Variants in HSD17B4 observed in about 807,000 individuals in gnomAD.
HSD17B4 encodes hydroxysteroid 17-beta dehydrogenase 4, also known as peroxisomal multifunctional enzyme type 2.
In HSD17B4, 70 loss-of-function variants were observed where a neutral mutation model predicts 101.0. The observed-to-expected ratio is 0.69, with a 90% confidence interval of 0.57 to 0.85. The LOEUF is 0.85. Ranked by LOEUF, HSD17B4 falls within the 40% of genes least tolerant of loss-of-function variation. The pLI, the probability that HSD17B4 is intolerant of heterozygous loss-of-function variation, is 0.00. For missense variants in HSD17B4, 984 were observed against 892.4 expected, an observed-to-expected ratio of 1.10 and a Z score of -1.31; for synonymous variants, 347 against 297.1, an observed-to-expected ratio of 1.17 and a Z score of -1.73.
intron 23 of HSD17B4, among the ~76,000 whole-genome samples, chr5:119,540,179 A>G (rs1275166832): frequency 6.6e-6 from 1 of 152,112 alleles, no homozygotes; most frequent in Non-Finnish European, 1.5e-5. Context: ...TACTTTTTGC[A>G]TGGCACTCCT....
chr5:119,487,613 G>T (rs1749723618), intron 8 of HSD17B4, among the ~76,000 whole-genome samples: 1 of 151,938 alleles, frequency 6.6e-6, no homozygotes, highest in Admixed American at 6.6e-5. Context: ...AAACTGCAAG[G>T]CAGACGTATT....
At chr5:119,459,256 CCT>C (rs2126624036) in intron 2 of HSD17B4, among the ~76,000 whole-genome samples, 1 of 152,272 alleles carries the variant, frequency 6.6e-6, no homozygotes, top group South Asian at 2.1e-4. Context: ...AATTATATGA[CCT>C]CTCTGTTTAT....
intron 2 of HSD17B4, among the ~76,000 whole-genome samples, chr5:119,457,359 T>A (rs926330407): frequency 2.6e-5 from 4 of 152,216 alleles, no homozygotes; most frequent in African/African-American, 4.8e-5. Context: ...GAGACACATA[T>A]AACAAAAGAG....
chr5:119,468,960 A>G (rs751521389), intron 2 of HSD17B4, among the ~76,000 whole-genome samples: 1 of 145,588 alleles, frequency 6.9e-6, no homozygotes, highest in South Asian at 2.2e-4. Flanking sequence ...TCTTTTTCCT[A>G]TCAGTTGGGC....
intron 12 of HSD17B4, among the ~76,000 whole-genome samples, chr5:119,497,271 C>A (rs1750734127): frequency 6.6e-6 from 1 of 152,192 alleles, no homozygotes; most frequent in African/African-American, 2.4e-5. Flanking sequence ...CATTTTTACC[C>A]CCTGCAATGC....
chr5:119,534,311 G>C (rs144359044), intron 22 of HSD17B4, among the ~76,000 whole-genome samples: 1 of 152,020 alleles, frequency 6.6e-6, no homozygotes, highest in East Asian at 1.9e-4. Context: ...TAAAAGGCAC[G>C]TACTATAATT....
chr5:119,492,228 G>C, intron 10 of HSD17B4, 104 bp downstream of exon 10: 1 of 836,806 alleles, frequency 1.2e-6, no homozygotes. Context: ...CTAACCATTG[G>C]ATATAGTGCT....
intron 3 of HSD17B4, 41 bp downstream of exon 3, chr5:119,474,056 A>G (rs1355213610): frequency 3.0e-6 from 3 of 1,007,086 alleles, no homozygotes; most frequent in East Asian, 4.8e-5. Flanking sequence ...TTTTCCTTCA[A>G]CTAATGCTAT....
At chr5:119,516,269 A>G (rs575170792) in intron 17 of HSD17B4, among the ~76,000 whole-genome samples, 1 of 152,300 alleles carries the variant, frequency 6.6e-6, no homozygotes, top group South Asian at 2.1e-4. Context: ...GGCTTAATTG[A>G]GAAACTAATT....
At chr5:119,471,898 C>G (rs1756409472) in intron 2 of HSD17B4, among the ~76,000 whole-genome samples, 1 of 152,176 alleles carries the variant, frequency 6.6e-6, no homozygotes, top group South Asian at 2.1e-4. Flanking sequence ...CCATCGCATA[C>G]TTAACTTTCA....
chr5:119,512,109 A>C (rs556031574), intron 16 of HSD17B4, among the ~76,000 whole-genome samples: 37 of 152,294 alleles, frequency 2.4e-4, no homozygotes, highest in African/African-American at 7.9e-4. Flanking sequence ...GATTTGACAA[A>C]AGAAAGAATC....
chr5:119,470,123 C>T (rs990178565), intron 2 of HSD17B4, among the ~76,000 whole-genome samples: 1 of 152,006 alleles, frequency 6.6e-6, no homozygotes, highest in Non-Finnish European at 1.5e-5. Flanking sequence ...GGCTAATTCT[C>T]AGTCTCTGGG....
chr5:119,523,245 A>C (rs1753272551), intron 17 of HSD17B4, among the ~76,000 whole-genome samples: 1 of 152,156 alleles, frequency 6.6e-6, no homozygotes, highest in Non-Finnish European at 1.5e-5. Flanking sequence ...CAAATTAAGG[A>C]ATAGTTTACC....
intron 17 of HSD17B4, among the ~76,000 whole-genome samples, chr5:119,521,059 T>C (rs1753073536): frequency 6.6e-6 from 1 of 152,242 alleles, no homozygotes; most frequent in Non-Finnish European, 1.5e-5. Context: ...CAGCTCTTAG[T>C]TGGATGAAGC....
Position 119,527,166 on chromosome 5 carries a change from A to G in HSD17B4, c.1714A>G (p.Thr572Ala). 2 of 1,610,054 alleles carry G rather than the reference A, an allele frequency of 1.2e-6. No individual in the cohort carries two copies. Among genetic ancestry groups the G allele is most frequent in the Non-Finnish European group, 1.7e-6 (2 of 1,176,870 alleles). Residue 572 changes from threonine to alanine, a missense_variant, in exon 20 of 24, where the codon ACT becomes GCT. Coordinates refer to ENST00000510025, the MANE Select transcript of HSD17B4 (RefSeq NM_000414.4). ...RFAKPVYPGQ[T>A]LQTEMWKEGN... ...TGCAAAACCAGTATATCCAGGACAA[A>G]CTCTACAAACTGAGATGTGGAAGGA...
chr5:119,499,472 C>A lies in HSD17B4; in HGVS notation c.1128C>A (p.Thr376=), dbSNP rs769074996. The A allele has an allele frequency of 1.2e-6, 2 of 1,613,608 alleles. No homozygotes were observed. The highest frequency in any genetic ancestry group is 1.3e-5 in the African/African-American group (1 of 74,868). ...GTTCTGATTTCTCCTGTTTGCCCAC[C>A]TTCGGAGTTATCATAGGTCAGAAAT... The part of the protein sequence containing the change: ...EGSSDFSCLP[T]FGVIIGQKSM... The change falls in exon 13 of 24, where the codon ACC becomes ACA. Residue 376 remains threonine, a synonymous_variant. Transcript: ENST00000510025.
At chr5:119,502,834 CTTTA>C (rs1217881476) in intron 14 of HSD17B4, among the ~76,000 whole-genome samples, 1 of 152,074 alleles carries the variant, frequency 6.6e-6, no homozygotes, top group East Asian at 1.9e-4. Context: ...AGCTGAATAG[CTTTA>C]TTTCAGTGTA....
Position 119,496,622 on chromosome 5 carries a change from A to G in HSD17B4, c.948A>G (p.Ala316=), listed in dbSNP as rs192301957. ...TTTCAGCAAATCATACTAGTCGTGCAACGTCTACAGCAACATCAGGATTTG... is the reference window on the plus strand; with the variant it reads ...TTTCAGCAAATCATACTAGTCGTGCGACGTCTACAGCAACATCAGGATTTG... The part of the protein sequence containing the change: ...GGVSANHTSR[A]TSTATSGFAG... Residue 316 remains alanine, a synonymous_variant, in exon 12 of 24, where the codon GCA becomes GCG. Coordinates refer to ENST00000510025, the MANE Select transcript of HSD17B4 (RefSeq NM_000414.4). 2.9e-4 allele frequency: 464 copies of G among 1,599,752 alleles called. 8 individuals carry two copies. In the East Asian group the frequency reaches 9.6e-3, roughly 33 times the overall value.
At chr5:119,531,552 G>T (rs1261696696) in intron 22 of HSD17B4, 148 bp downstream of exon 22, 7 of 699,900 alleles carry the variant, frequency 1.0e-5, no homozygotes, top group Admixed American at 8.8e-5. Flanking sequence ...AATAGGTTTG[G>T]GAATGTCCAA....
Sources: allele counts gnomAD v4.1 joint callset (sites outside exome capture counted in the v4.1 genomes callset), GRCh38; gene constraint gnomAD v4.1.1; transcripts MANE v1.5; gene names NCBI Gene and HGNC (gene_info 2026-07-23, HGNC 2026-07-21).